KCNH5: variants seen among roughly 807,000 people sequenced by gnomAD.
The protein encoded by KCNH5 is potassium voltage-gated channel subfamily H member 5.
In KCNH5, 46 loss-of-function variants were observed where a neutral mutation model predicts 96.1. The ratio of observed to expected loss-of-function variants is 0.48; its 90% CI spans 0.38 to 0.61. The LOEUF (loss-of-function observed/expected upper bound fraction) is 0.61, where lower values mean the gene tolerates loss of function less well. KCNH5 is among the 20% of genes least tolerant of loss of function. The pLI, the probability that KCNH5 is intolerant of heterozygous loss-of-function variation, is 0.00. For synonymous variants in KCNH5, 439 were observed against 449.8 expected, an observed-to-expected ratio of 0.98 and a Z score of 0.30; for missense variants, 907 against 1,225.8, an observed-to-expected ratio of 0.74 and a Z score of 3.88.
At chr14:62,921,917 G>C (rs1358174514) in intron 7 of KCNH5, among the ~76,000 whole-genome samples, 3 of 152,060 alleles carry the variant, frequency 2.0e-5, no homozygotes, top group Admixed American at 2.0e-4. Flanking sequence ...TGAGTATTCT[G>C]AGAATAGTAA....
At chr14:62,709,282 A>G (rs948539150) in intron 10 of KCNH5, among the ~76,000 whole-genome samples, 8 of 148,720 alleles carry the variant, frequency 5.4e-5, no homozygotes, top group Non-Finnish European at 1.2e-4. Flanking sequence ...TGGGTATCAG[A>G]TAGTAAGAAT....
chr14:62,759,903 C>T (rs1006721951), intron 10 of KCNH5, among the ~76,000 whole-genome samples: 1 of 152,158 alleles, frequency 6.6e-6, no homozygotes, highest in African/African-American at 2.4e-5. Flanking sequence ...CCAGCTTCAC[C>T]TGAACGGCGG....
chr14:62,870,465 T>A (rs577782887), intron 7 of KCNH5, among the ~76,000 whole-genome samples: 1 of 152,292 alleles, frequency 6.6e-6, no homozygotes, highest in South Asian at 2.1e-4. Context: ...CATGTCCTAA[T>A]GGCATGGCAC....
intron 1 of KCNH5, among the ~76,000 whole-genome samples, chr14:63,023,278 GT>G (rs775744986): frequency 1.9e-4 from 29 of 152,090 alleles, no homozygotes; most frequent in Non-Finnish European, 2.4e-4. Flanking sequence ...GCCCATGTAA[GT>G]TTTTGCTCAC....
chr14:62,998,648 T>C (rs544249783), intron 4 of KCNH5, among the ~76,000 whole-genome samples: 3 of 152,314 alleles, frequency 2.0e-5, no homozygotes, highest in Admixed American at 2.0e-4. Flanking sequence ...TTTGATAAAT[T>C]GTATTTTCAT....
At chr14:62,739,751 G>C (rs1222871009) in intron 10 of KCNH5, among the ~76,000 whole-genome samples, 67 of 152,122 alleles carry the variant, frequency 4.4e-4, no homozygotes, top group Non-Finnish European at 1.5e-5. Flanking sequence ...TGTTCCCAGA[G>C]CTATGGCAGG....
chr14:62,701,718 G>A lies in KCNH5; in HGVS notation c.*5790C>T, dbSNP rs562734190. The A allele has an allele frequency of 1.3e-5, 2 of 152,134 alleles. No homozygotes were observed. Among genetic ancestry groups the A allele is most frequent in the South Asian group, 2.1e-4 (1 of 4,826 alleles). 9.4% of individuals were successfully genotyped at this position (152,134 alleles called of 1,614,324 possible). A position where few individuals can be genotyped will look rare whatever the true frequency, so the allele number is the denominator to read the frequency against. On this transcript the variant is annotated 3_prime_UTR_variant, in exon 11 of 11. Transcript: ENST00000322893. ...TCTTGTTTTTTTCTCCTTATCTCAA[G>A]ACACTTGCTTTAGAAATCTCAAAGG...
At chr14:62,738,084 T>C (rs566715187) in intron 10 of KCNH5, among the ~76,000 whole-genome samples, 1 of 152,280 alleles carries the variant, frequency 6.6e-6, no homozygotes, top group South Asian at 2.1e-4. Context: ...GGGGCCATTA[T>C]TAAATAAAAT....
At chr14:62,979,280 A>AAGATAAATT (rs1890560965) in intron 6 of KCNH5, among the ~76,000 whole-genome samples, 2 of 152,196 alleles carry the variant, frequency 1.3e-5, no homozygotes, top group Non-Finnish European at 2.9e-5. Context: ...CTCACTTCAG[A>AAGATAAATT]AGATAAATTT....
chr14:62,934,723 C>T (rs1457352382), intron 7 of KCNH5, among the ~76,000 whole-genome samples: 1 of 152,104 alleles, frequency 6.6e-6, no homozygotes, highest in Non-Finnish European at 1.5e-5. Flanking sequence ...TTTTTTAAAG[C>T]CCATAGCCAA....
chr14:62,876,836 A>G (rs527753999), intron 7 of KCNH5, among the ~76,000 whole-genome samples: 1 of 152,342 alleles, frequency 6.6e-6, no homozygotes, highest in Non-Finnish European at 1.5e-5. Flanking sequence ...ACAGTAGTCC[A>G]CAATAAATGG....
intron 3 of KCNH5, among the ~76,000 whole-genome samples, chr14:63,004,644 A>AT (rs1891092431): frequency 1.3e-5 from 2 of 152,220 alleles, no homozygotes; most frequent in Admixed American, 1.3e-4. Context: ...TTGCTCTGTC[A>AT]CCCAGGCTGG....
intron 7 of KCNH5, among the ~76,000 whole-genome samples, chr14:62,918,390 C>A (rs923907544): frequency 1.3e-5 from 2 of 151,904 alleles, no homozygotes; most frequent in African/African-American, 4.8e-5. Context: ...AAAATTTCTA[C>A]GTGGCAAATA....
chr14:62,709,142 AGAATGGCGT>A (rs1884511903), intron 10 of KCNH5, among the ~76,000 whole-genome samples: 1 of 145,876 alleles, frequency 6.9e-6, no homozygotes, highest in Non-Finnish European at 1.5e-5. Flanking sequence ...CTGAGGCAGG[AGAATGGCGT>A]GAACCCGGAA....
chr14:62,928,716 G>A (rs756132812), intron 7 of KCNH5, among the ~76,000 whole-genome samples: 5 of 151,988 alleles, frequency 3.3e-5, no homozygotes, highest in Admixed American at 2.0e-4. Flanking sequence ...TCCCATGGCT[G>A]CTCACTCATC....
intron 8 of KCNH5, among the ~76,000 whole-genome samples, chr14:62,818,550 C>G (rs893191752): frequency 1.3e-5 from 2 of 152,070 alleles, no homozygotes; most frequent in African/African-American, 4.8e-5. Context: ...ACATCCAAAA[C>G]CCTCGGGTAT....
At chr14:63,012,420 C>A (rs1891246167) in intron 2 of KCNH5, among the ~76,000 whole-genome samples, 1 of 152,110 alleles carries the variant, frequency 6.6e-6, no homozygotes, top group African/African-American at 2.4e-5. Context: ...ACCATTATGA[C>A]ATAGCAAAAA....
At chr14:63,014,666 T>TA (rs1409056313) in intron 2 of KCNH5, among the ~76,000 whole-genome samples, 2 of 151,830 alleles carry the variant, frequency 1.3e-5, no homozygotes, top group African/African-American at 2.4e-5. Context: ...GCAATAAGAA[T>TA]AAAAACCCAA....
chr14:62,944,436 G>A (rs1429666369), intron 7 of KCNH5, among the ~76,000 whole-genome samples: 1 of 151,882 alleles, frequency 6.6e-6, no homozygotes, highest in Non-Finnish European at 1.5e-5. Flanking sequence ...TGGCACAAGT[G>A]AAAAAATGAA....
Sources: allele counts gnomAD v4.1 joint callset (sites outside exome capture counted in the v4.1 genomes callset), GRCh38; gene constraint gnomAD v4.1.1; transcripts MANE v1.5; gene names NCBI Gene and HGNC (gene_info 2026-07-23, HGNC 2026-07-21).